The following CSGALNACT1 variants were observed in gnomAD, a reference collection of about 807,000 sequenced individuals.
CSGALNACT1 encodes beta4GalNAcT-1.
In CSGALNACT1, 52 loss-of-function variants were observed where a neutral mutation model predicts 51.0. The ratio of observed to expected loss-of-function variants is 1.02; its 90% confidence interval spans 0.82 to 1.29. The LOEUF is 1.29. CSGALNACT1 is among the 50% of genes most tolerant of loss of function. The pLI, the probability that CSGALNACT1 is intolerant of heterozygous loss-of-function variation, is 0.00. For missense variants in CSGALNACT1, 935 were observed against 679.2 expected (o/e 1.38, Z -4.19); for synonymous variants, 341 against 254.4 (o/e 1.34, Z -3.24).
chr8:19,434,747 G>C (rs1448905120), intron 6 of CSGALNACT1, among the ~76,000 whole-genome samples: 1 of 151,874 alleles, frequency 6.6e-6, no homozygotes, highest in East Asian at 1.9e-4. Flanking sequence ...TGTTTCCCAG[G>C]GTCCGAGACT....
chr8:19,445,131 C>A (rs1448913510), intron 5 of CSGALNACT1, among the ~76,000 whole-genome samples: 1 of 152,152 alleles, frequency 6.6e-6, no homozygotes, highest in Non-Finnish European at 1.5e-5. Flanking sequence ...CCAGGAGCTC[C>A]CACTTAGCCA....
intron 1 of CSGALNACT1, among the ~76,000 whole-genome samples, chr8:19,747,940 C>T (rs1251046517): frequency 1.3e-5 from 2 of 152,184 alleles, no homozygotes; most frequent in Non-Finnish European, 2.9e-5. Flanking sequence ...AGAAATCTCC[C>T]TGCCAAAAAG....
At chr8:19,433,643 C>T (rs974899339) in intron 6 of CSGALNACT1, among the ~76,000 whole-genome samples, 2 of 152,216 alleles carry the variant, frequency 1.3e-5, no homozygotes, top group African/African-American at 2.4e-5. Flanking sequence ...TGGTGTCTTC[C>T]GAGGAACCTC....
intron 1 of CSGALNACT1, among the ~76,000 whole-genome samples, chr8:19,612,275 T>G (rs1348625490): frequency 6.6e-6 from 1 of 151,736 alleles, no homozygotes; most frequent in African/African-American, 2.4e-5. Context: ...CCTGGGAGGC[T>G]GAGGTTGCAG....
intron 4 of CSGALNACT1, among the ~76,000 whole-genome samples, chr8:19,485,563 G>T (rs913509964): frequency 3.9e-5 from 6 of 151,976 alleles, no homozygotes; most frequent in Non-Finnish European, 7.4e-5. Context: ...GGGCTAAACA[G>T]CAGCCAGCCC....
chr8:19,597,197 T>C (rs1206960363), intron 2 of CSGALNACT1, among the ~76,000 whole-genome samples: 2 of 151,692 alleles, frequency 1.3e-5, no homozygotes, highest in Non-Finnish European at 2.9e-5. Flanking sequence ...GGCTGAAAAA[T>C]ATTCCATTGT....
intron 1 of CSGALNACT1, among the ~76,000 whole-genome samples, chr8:19,745,417 T>C (rs2064590566): frequency 6.6e-6 from 1 of 152,200 alleles, no homozygotes; most frequent in Non-Finnish European, 1.5e-5. Context: ...AATGTGTAAA[T>C]TATCAAATCA....
intron 4 of CSGALNACT1, among the ~76,000 whole-genome samples, chr8:19,488,115 C>T (rs11780475): frequency 0.42 from 63,703 of 151,458 alleles, 15,167 homozygotes; most frequent in East Asian, 0.84. Flanking sequence ...TTTGGGAGGA[C>T]GAGGTGGGTG....
At chr8:19,437,058 A>G (rs910714216) in intron 6 of CSGALNACT1, among the ~76,000 whole-genome samples, 21 of 152,186 alleles carry the variant, frequency 1.4e-4, no homozygotes, top group African/African-American at 4.8e-4. Flanking sequence ...AGTACCACTT[A>G]TTGAGCAGGT....
At chr8:19,481,123 C>T (rs2071267952) in intron 4 of CSGALNACT1, among the ~76,000 whole-genome samples, 1 of 152,158 alleles carries the variant, frequency 6.6e-6, no homozygotes, top group African/African-American at 2.4e-5. Context: ...TTACAATGAC[C>T]AGTTCTTATG....
At chr8:19,559,135 T>C (rs1401861977) in intron 3 of CSGALNACT1, among the ~76,000 whole-genome samples, 1 of 152,166 alleles carries the variant, frequency 6.6e-6, no homozygotes, top group Non-Finnish European at 1.5e-5. Flanking sequence ...AGATGGTATC[T>C]GAAATGGAAA....
Position 19,601,804 on chromosome 8 carries a change from C to A in CSGALNACT1, c.-449G>T, listed in dbSNP as rs560872118. 1 of 454,054 alleles carries A rather than the reference C, an allele frequency of 2.2e-6. No homozygotes were observed. The highest frequency in any genetic ancestry group is 2.0e-5 in the African/African-American group (1 of 50,114). 28.1% of individuals were successfully genotyped at this position (454,054 alleles called of 1,614,324 possible). On this transcript the variant is annotated 5_prime_UTR_variant, in exon 2 of 10. An upstream open reading frame in the 5' UTR loses its in-frame stop. Transcript: ENST00000454498. Reference sequence around the variant, plus strand: ...TCAAGAAGGGAAGGTTAGGAGGTGGCTACATCATTGCTCCTCTGGGTCAAA... The same window carrying A: ...TCAAGAAGGGAAGGTTAGGAGGTGGATACATCATTGCTCCTCTGGGTCAAA...
At chr8:19,577,248 T>C (rs2044448054) in intron 3 of CSGALNACT1, among the ~76,000 whole-genome samples, 1 of 152,036 alleles carries the variant, frequency 6.6e-6, no homozygotes, top group Admixed American at 6.5e-5. Flanking sequence ...CTGCTGGGGA[T>C]GAGTCGTGTG....
At chr8:19,606,404 A>G (rs375724998), upstream of CSGALNACT1, among the ~76,000 whole-genome samples, 1 of 152,350 alleles carries the variant, frequency 6.6e-6, no homozygotes, top group African/African-American at 2.4e-5. Flanking sequence ...CTTTCTCAAG[A>G]TATGTCTCAG....
intron 3 of CSGALNACT1, among the ~76,000 whole-genome samples, chr8:19,537,621 C>A (rs2084061235): frequency 6.6e-6 from 1 of 152,206 alleles, no homozygotes; most frequent in Admixed American, 6.5e-5. Context: ...CAGGCTGCAA[C>A]CCTTTATGCG....
chr8:19,493,345 A>G (rs933747837), intron 4 of CSGALNACT1, among the ~76,000 whole-genome samples: 16 of 152,184 alleles, frequency 1.1e-4, no homozygotes, highest in African/African-American at 3.6e-4. Flanking sequence ...GTTAAAATTC[A>G]CGTCACACAA....
At chr8:19,701,835 C>G (rs2061898275) in intron 1 of CSGALNACT1, among the ~76,000 whole-genome samples, 1 of 152,158 alleles carries the variant, frequency 6.6e-6, no homozygotes, top group Non-Finnish European at 1.5e-5. Context: ...AGAATCCATG[C>G]TTTTAACCAC....
intron 1 of CSGALNACT1, among the ~76,000 whole-genome samples, chr8:19,627,537 A>G (rs1024521077): frequency 6.6e-6 from 1 of 152,170 alleles, no homozygotes; most frequent in Non-Finnish European, 1.5e-5. Context: ...AAAAGCAAGC[A>G]TAAGGCCAGG....
chr8:19,491,093 A>G (rs1439542010), intron 4 of CSGALNACT1, among the ~76,000 whole-genome samples: 1 of 152,184 alleles, frequency 6.6e-6, no homozygotes. Flanking sequence ...AGGAAAAAAA[A>G]AAAAACCAAT....
Sources: gnomAD v4.1 joint callset for allele counts (sites outside exome capture counted in the v4.1 genomes callset) on GRCh38, gnomAD v4.1.1 for gene constraint, MANE v1.5 for transcripts, NCBI Gene and HGNC (gene_info 2026-07-23, HGNC 2026-07-21) for gene names.